The following MCTP2 variants were observed in gnomAD, a reference collection of about 807,000 sequenced individuals.
MCTP2 encodes the protein multiple C2 and transmembrane domain containing 2, also known as multiple C2 and transmembrane domain-containing protein 2.
Under a neutral mutation model 111.6 loss-of-function variants are expected in MCTP2, and 132 were observed. The ratio of observed to expected loss-of-function variants is 1.18; its 90% CI spans 1.03 to 1.37. The LOEUF (loss-of-function observed/expected upper bound fraction) is 1.37. Ranked by LOEUF, MCTP2 falls within the 40% of genes most tolerant of loss-of-function variation. The pLI, the probability that MCTP2 is intolerant of heterozygous loss-of-function variation, is 0.00. For missense variants in MCTP2, 1,183 were observed against 1,067.9 expected, an observed-to-expected ratio of 1.11 and a Z score of -1.50; for synonymous variants, 395 against 387.7, an observed-to-expected ratio of 1.02 and a Z score of -0.22.
At chr15:94,270,785 G>A (rs2073867287) in intron 1 of MCTP2, among the ~76,000 whole-genome samples, 1 of 152,164 alleles carries the variant, frequency 6.6e-6, no homozygotes, top group African/African-American at 2.4e-5. Context: ...AAAAATAGAT[G>A]CTTGGCTGTC....
At chr15:94,363,181 G>A (rs910446169) in intron 10 of MCTP2, among the ~76,000 whole-genome samples, 5 of 152,168 alleles carry the variant, frequency 3.3e-5, no homozygotes, top group Non-Finnish European at 5.9e-5. Context: ...TGCGTTCAGT[G>A]TATTCAAATC....
At chr15:94,466,994 TGCAATAAC>T (rs2073392817) in intron 20 of MCTP2, among the ~76,000 whole-genome samples, 2 of 152,206 alleles carry the variant, frequency 1.3e-5, no homozygotes, top group Non-Finnish European at 2.9e-5. Context: ...GTGTGTTTTG[TGCAATAAC>T]AATGAGAAAA....
intron 17 of MCTP2, among the ~76,000 whole-genome samples, chr15:94,412,779 A>G (rs1236258141): frequency 6.6e-6 from 1 of 151,890 alleles, no homozygotes; most frequent in Non-Finnish European, 1.5e-5. Flanking sequence ...CCATAGCAAG[A>G]GCAGTTTTCC....
chr15:94,243,716 T>C (rs1220425055), intron 1 of MCTP2, among the ~76,000 whole-genome samples: 1 of 126,704 alleles, frequency 7.9e-6, no homozygotes, highest in Non-Finnish European at 1.7e-5. Flanking sequence ...CACATATATG[T>C]ATACACATAC....
intron 1 of MCTP2, among the ~76,000 whole-genome samples, chr15:94,291,798 C>G (rs1051825038): frequency 2.0e-5 from 3 of 152,134 alleles, no homozygotes; most frequent in African/African-American, 7.2e-5. Flanking sequence ...AAGCCATAAT[C>G]TAGGCCAGTG....
At chr15:94,305,795 G>A (rs2076855054) in intron 2 of MCTP2, among the ~76,000 whole-genome samples, 1 of 152,168 alleles carries the variant, frequency 6.6e-6, no homozygotes, top group Admixed American at 6.5e-5. Flanking sequence ...CTAAAGAAAG[G>A]AGTTTCTAAG....
intron 8 of MCTP2, among the ~76,000 whole-genome samples, chr15:94,349,754 A>G (rs1461075581): frequency 6.9e-6 from 1 of 145,678 alleles, no homozygotes; most frequent in Non-Finnish European, 1.5e-5. Context: ...TGGGAGGTGG[A>G]GCTTGCAGTG....
intron 1 of MCTP2, among the ~76,000 whole-genome samples, chr15:94,284,049 A>G (rs915052719): frequency 2.6e-5 from 4 of 152,214 alleles, no homozygotes; most frequent in Non-Finnish European, 4.4e-5. Context: ...TCAGGAATAT[A>G]AATTAATATA....
At chr15:94,328,857 G>A (rs1280010512) in intron 4 of MCTP2, among the ~76,000 whole-genome samples, 1 of 152,120 alleles carries the variant, frequency 6.6e-6, no homozygotes, top group African/African-American at 2.4e-5. Flanking sequence ...CTTGGCTATT[G>A]GGGTCCTATC....
chr15:94,349,622 C>A (rs895790913), intron 8 of MCTP2, among the ~76,000 whole-genome samples: 5 of 151,836 alleles, frequency 3.3e-5, no homozygotes, highest in African/African-American at 1.2e-4. Context: ...AGATCGAGAC[C>A]ATCCTGGTTA....
intron 4 of MCTP2, among the ~76,000 whole-genome samples, chr15:94,325,860 G>A (rs979782311): frequency 8.4e-6 from 1 of 119,230 alleles, no homozygotes; most frequent in Non-Finnish European, 1.7e-5. Flanking sequence ...TTGGTCTGTT[G>A]CCAGGCTGGA....
chr15:94,359,205 C>CA (rs540586822), intron 10 of MCTP2, among the ~76,000 whole-genome samples: 32 of 152,160 alleles, frequency 2.1e-4, no homozygotes, highest in Non-Finnish European at 1.6e-4. Context: ...GTACAGTAAG[C>CA]AAAAAGGAGA....
At chr15:94,286,384 G>A (rs1472913629) in intron 1 of MCTP2, among the ~76,000 whole-genome samples, 1 of 151,848 alleles carries the variant, frequency 6.6e-6, no homozygotes, top group African/African-American at 2.4e-5. Context: ...GACGTGATAT[G>A]AAATTTCCTT....
At chr15:94,385,677 G>A (rs2080423565) in intron 14 of MCTP2, 152 bp downstream of exon 14, 5 of 570,012 alleles carry the variant, frequency 8.8e-6, no homozygotes, top group South Asian at 2.3e-5. Flanking sequence ...TTCTTTTCCG[G>A]TATTTTCAGT....
At chr15:94,236,377 CTTT>C (rs71132992) in intron 1 of MCTP2, among the ~76,000 whole-genome samples, 19 of 72,516 alleles carry the variant, frequency 2.6e-4, no homozygotes, top group East Asian at 1.9e-3. Context: ...TCTTTTTTTT[CTTT>C]TTTTTTTTTT....
chr15:94,355,760 G>A (rs555056157), intron 8 of MCTP2, among the ~76,000 whole-genome samples: 2 of 152,330 alleles, frequency 1.3e-5, no homozygotes, highest in Admixed American at 1.3e-4. Context: ...TTGCTTCCTT[G>A]CAAGGCAATG....
intron 4 of MCTP2, among the ~76,000 whole-genome samples, chr15:94,335,005 G>A (rs2077289741): frequency 6.6e-6 from 1 of 152,184 alleles, no homozygotes; most frequent in Non-Finnish European, 1.5e-5. Flanking sequence ...TTCTATGGAA[G>A]TACTTTTTAG....
chr15:94,421,683 T>C (rs1171564680), intron 17 of MCTP2, among the ~76,000 whole-genome samples: 2 of 152,216 alleles, frequency 1.3e-5, no homozygotes, highest in African/African-American at 2.4e-5. Context: ...TTTTCTGGGC[T>C]TTCTTCTGCT....
chr15:94,329,733 A>G (rs1036994423), intron 4 of MCTP2, among the ~76,000 whole-genome samples: 4 of 152,180 alleles, frequency 2.6e-5, no homozygotes, highest in Non-Finnish European at 4.4e-5. Flanking sequence ...ACACATCCAA[A>G]CCATATCACA....
Sources: gnomAD v4.1 joint callset for allele counts (sites outside exome capture counted in the v4.1 genomes callset) on GRCh38, gnomAD v4.1.1 for gene constraint, MANE v1.5 for transcripts, NCBI Gene and HGNC (gene_info 2026-07-23, HGNC 2026-07-21) for gene names.